The following ADAMTS5 variants were observed in gnomAD, a reference collection of about 807,000 sequenced individuals.
ADAMTS5 encodes the protein ADAM metallopeptidase with thrombospondin type 1 motif 5.
ADAMTS5 carries 54 observed loss-of-function variants against 81.4 expected under a neutral mutation model. That is an observed-to-expected ratio of 0.66 (90% confidence interval 0.53 to 0.83). The LOEUF (loss-of-function observed/expected upper bound fraction) is 0.83, where lower values mean the gene tolerates loss of function less well. Among genes scored for constraint, ADAMTS5 ranks in the 40% least tolerant of loss-of-function variants. The pLI, the probability that ADAMTS5 is intolerant of heterozygous loss-of-function variation, is 0.00. For synonymous variants in ADAMTS5, 532 were observed against 508.8 expected (o/e 1.05, Z -0.61); for missense variants, 1,194 against 1,229.9 (o/e 0.97, Z 0.44).
At position 26,966,237 on chromosome 21, in the gene ADAMTS5, T is replaced by C. The variant is rs535056146; in HGVS notation, c.155A>G (p.Gln52Arg). 6.2e-6 allele frequency: 10 copies of C among 1,602,224 alleles called. No individual in the cohort carries two copies. In the East Asian group the frequency reaches 2.0e-4, roughly 32 times the overall value. The change falls in exon 1 of 8, where the codon CAG (glutamine) becomes CGG (arginine). Residue 52 changes from glutamine (Q) to arginine (R), a missense_variant. By Grantham distance (43) the Gln-to-Arg change is conservative. This residue lies in a region of ADAMTS5 where 498 missense variants were observed against 412.3 expected (regional missense o/e 1.21). Transcript: ENST00000284987. ...QPRRRQGEEVQERAEPPGHPH... is the reference protein window; with the variant it reads ...QPRRRQGEEVRERAEPPGHPH... ...GTGGCCGGGAGGCTCGGCTCGCTCC[T>C]GCACCTCCTCCCCCTGCCGCCGGCG...
At chr21:26,929,081 T>C (rs1315288264) in intron 7 of ADAMTS5, among the ~76,000 whole-genome samples, 2 of 152,240 alleles carry the variant, frequency 1.3e-5, no homozygotes, top group African/African-American at 4.8e-5. Context: ...AGAAAATTTA[T>C]AGTTTTTTAC....
intron 3 of ADAMTS5, among the ~76,000 whole-genome samples, chr21:26,937,543 T>C (rs940629646): frequency 2.6e-5 from 4 of 152,216 alleles, no homozygotes; most frequent in African/African-American, 9.6e-5. Context: ...GGTACAAGCA[T>C]CTCTACCAAA....
intron 3 of ADAMTS5, among the ~76,000 whole-genome samples, chr21:26,937,964 G>GT (rs2123180083): frequency 6.6e-6 from 1 of 152,288 alleles, no homozygotes; most frequent in South Asian, 2.1e-4. Context: ...GTCAGGCCAG[G>GT]TGCGGTGGCT....
chr21:26,938,478 T>C (rs1987056322), intron 3 of ADAMTS5, among the ~76,000 whole-genome samples: 1 of 152,226 alleles, frequency 6.6e-6, no homozygotes, highest in Admixed American at 6.5e-5. Flanking sequence ...TTCATATGTC[T>C]GACTTATAGC....
Position 26,932,152 on chromosome 21 carries a change from T to C in ADAMTS5, c.1901A>G (p.Glu634Gly), listed in dbSNP as rs1465771718. ...ATCAGACTGATAGCCATTTTTGGCC[T>C]CACACTGTTCATGACGAAATGATTT... ...NGKSFRHEQC[E>G]AKNGYQSDAK... The change falls in exon 6 of 8, where the codon GAG becomes GGG. Residue 634 changes from glutamate (E) to glycine (G), a missense_variant. By Grantham distance (98) the Glu-to-Gly change is moderately conservative (BLOSUM62 -2). This residue lies in a region of ADAMTS5 where 696 missense variants were observed against 817.6 expected (regional missense o/e 0.85). Transcript: ENST00000284987. 1.2e-6 allele frequency: 2 copies of C among 1,614,012 alleles called. No homozygotes were observed. The highest frequency in any genetic ancestry group is 2.2e-5 in the East Asian group (1 of 44,890).
intron 4 of ADAMTS5, among the ~76,000 whole-genome samples, chr21:26,934,222 T>G (rs1383545474): frequency 6.6e-6 from 1 of 152,222 alleles, no homozygotes; most frequent in Non-Finnish European, 1.5e-5. Flanking sequence ...GAATCTGAGT[T>G]ACATAAGTAT....
rs1220323444 is a variant in ADAMTS5 at position 26,930,048 on chromosome 21, G to A, written c.2063C>T (p.Thr688Ile). 3.7e-6 allele frequency: 6 copies of A among 1,613,862 alleles called. No individual in the cohort carries two copies. The South Asian group carries it at 6.6e-5, about 18-fold the overall frequency. Residue 688 changes from threonine to isoleucine, a missense_variant, in exon 7 of 8, where the codon ACT (threonine) becomes ATT (isoleucine). Thr to Ile is a moderately conservative substitution (Grantham distance 89, BLOSUM62 -1). This residue lies in a region of ADAMTS5 where 696 missense variants were observed against 817.6 expected (regional missense o/e 0.85). Coordinates refer to ENST00000284987, the MANE Select transcript of ADAMTS5 (RefSeq NM_007038.5). ...VVFSPKVTDG[T>I]ECRLYSNSVC... ...GGAATTACTGTACAGCCTACATTCA[G>A]TGCCATCGGTCACCTGAATCATGGC...
chr21:26,932,715 A>AAACC, intron 5 of ADAMTS5, 146 bp downstream of exon 5: 1 of 937,138 alleles, frequency 1.1e-6, no homozygotes, highest in Non-Finnish European at 1.5e-6. Context: ...AAAAACAAAC[A>AAACC]CATAGGTGTT....
In ADAMTS5 at chr21:26,924,512, T is replaced by C. The variant is rs768835197; in HGVS notation, c.2334A>G (p.Lys778=). 16 of 1,614,060 alleles carry C rather than the reference T, an allele frequency of 9.9e-6. No individual in the cohort carries two copies. Among genetic ancestry groups the C allele is most frequent in the Middle Eastern group, 1.6e-4 (1 of 6,084 alleles). ...QTRFTAYLAL[K]KKNGEYLING... is the part of the protein sequence containing the mutation. ...TGATAAGGTACTCACCGTTTTTCTT[T>C]TTCAGGGCTAAATAGGCAGTGAATC... Residue 778 remains lysine (K), a synonymous_variant, in exon 8 of 8, where the codon AAA becomes AAG. Coordinates refer to ENST00000284987, the MANE Select transcript of ADAMTS5 (RefSeq NM_007038.5).
chr21:26,925,104 T>C (rs1404157325), intron 7 of ADAMTS5, among the ~76,000 whole-genome samples: 1 of 152,200 alleles, frequency 6.6e-6, no homozygotes, highest in Non-Finnish European at 1.5e-5. Flanking sequence ...TTTCAGAGCC[T>C]ACCCACACCT....
At chr21:26,929,327 A>C (rs1986863329) in intron 7 of ADAMTS5, among the ~76,000 whole-genome samples, 1 of 152,174 alleles carries the variant, frequency 6.6e-6, no homozygotes, top group Non-Finnish European at 1.5e-5. Flanking sequence ...CATAAACTTG[A>C]ATATTTAAAG....
In ADAMTS5 at chr21:26,966,571, G is replaced by C. The variant is rs1482254230; in HGVS notation, c.-180C>G. On this transcript the variant is annotated 5_prime_UTR_variant, in exon 1 of 8. Coordinates refer to ENST00000284987, the MANE Select transcript of ADAMTS5 (RefSeq NM_007038.5). ...AGCCTGTCCGGGCTGCGGTGCCAGC[G>C]TGCGAACTTTTCTTTGTTGCTTGGG... is the stretch of plus-strand genomic sequence containing the variant. 1 of 354,286 alleles carries C rather than the reference G, an allele frequency of 2.8e-6. No homozygotes were observed. Among genetic ancestry groups the C allele is most frequent in the Non-Finnish European group, 4.6e-6 (1 of 218,980 alleles). 21.9% of individuals were successfully genotyped at this position (354,286 alleles called of 1,614,324 possible).
rs2123224158 is a variant in ADAMTS5 at position 26,918,603 on chromosome 21, T to C, written c.*5450A>G. 1 of 152,126 alleles carries C rather than the reference T, an allele frequency of 6.6e-6. No homozygotes were observed. Among genetic ancestry groups the C allele is most frequent in the South Asian group, 2.1e-4 (1 of 4,828 alleles). 9.4% of individuals were successfully genotyped at this position (152,126 alleles called of 1,614,324 possible). A position where few individuals can be genotyped will look rare whatever the true frequency, so the allele number is the denominator to read the frequency against. ...TCAAGGTTTACGTTGTGCCTGAGTGTATAATGCAAAAATAGCATCCAGAGA... is the reference window on the plus strand; with the variant it reads ...TCAAGGTTTACGTTGTGCCTGAGTGCATAATGCAAAAATAGCATCCAGAGA... On this transcript the variant is annotated 3_prime_UTR_variant, in exon 8 of 8. Coordinates refer to ENST00000284987, the MANE Select transcript of ADAMTS5 (RefSeq NM_007038.5).
Position 26,965,620 on chromosome 21 carries a change from G to T in ADAMTS5, c.772C>A (p.Arg258=). Residue 258 remains arginine, a synonymous_variant, in exon 1 of 8, where the codon CGG becomes AGG. Coordinates refer to ENST00000284987, the MANE Select transcript of ADAMTS5 (RefSeq NM_007038.5). ...GGSGPQTWWR[R]RRRSISRARQ... is the part of the protein sequence containing the mutation. Reference sequence around the variant, plus strand: ...GCCCGGGAGATGGAGCGGCGCCGCCGCCGCCACCACGTCTGCGGTCCTGAG... The same window carrying T: ...GCCCGGGAGATGGAGCGGCGCCGCCTCCGCCACCACGTCTGCGGTCCTGAG... The T allele has an allele frequency of 1.3e-6, 2 of 1,597,048 alleles. No individual in the cohort carries two copies. Among genetic ancestry groups the T allele is most frequent in the Non-Finnish European group, 8.5e-7 (1 of 1,173,354 alleles).
chr21:26,923,954 A>G lies in ADAMTS5; in HGVS notation c.*99T>C. ...GGACTCCTGTTGACAATGTCACTGA[A>G]GCATGACTTTCTGTGCGTTAGGTAG... On this transcript the variant is annotated 3_prime_UTR_variant, in exon 8 of 8. Transcript: ENST00000284987. 1 of 1,266,386 alleles carries G rather than the reference A, an allele frequency of 7.9e-7. No individual in the cohort carries two copies. Among genetic ancestry groups the G allele is most frequent in the South Asian group, 1.5e-5 (1 of 65,320 alleles). 78.4% of individuals were successfully genotyped at this position (1,266,386 alleles called of 1,614,324 possible). A position where few individuals can be genotyped will look rare whatever the true frequency, so the allele number is the denominator to read the frequency against.
chr21:26,944,032 T>C lies in ADAMTS5; in HGVS notation c.1238-485A>G, dbSNP rs80121556. Among the ~76,000 whole-genome samples, 244 of 152,304 alleles carry C rather than the reference T, an allele frequency of 1.6e-3. 4 individuals are homozygous for C. In the East Asian group the frequency reaches 0.038, roughly 24 times the overall value. Reference sequence around the variant, plus strand: ...AAACACTTAGTAGATGGTTTTTGAATGTCAGTGACTTATTTTCTTAGTCAA... The same window carrying C: ...AAACACTTAGTAGATGGTTTTTGAACGTCAGTGACTTATTTTCTTAGTCAA... On this transcript the variant is annotated intron_variant, in intron 2 of 7. Transcript: ENST00000284987.
chr21:26,965,382 G>A lies in ADAMTS5; in HGVS notation c.1010C>T (p.Thr337Ile), dbSNP rs771370838. ...CTGCCACTTGCAAAAGTTCTTGAGT[G>A]TGGTGGCAGCGTTCTTGCTCACTTC... Reference protein sequence around the residue: ...SLEVSKNAATTLKNFCKWQHQ... With the variant: ...SLEVSKNAATILKNFCKWQHQ... Residue 337 changes from threonine to isoleucine, a missense_variant, in exon 1 of 8, where the codon ACA (threonine) becomes ATA (isoleucine). Around this residue, in one of 2 missense-constraint regions of ADAMTS5, gnomAD observed 696 missense variants for 817.6 expected, o/e 0.85. Transcript: ENST00000284987. 9 of 1,614,256 alleles carry A rather than the reference G, an allele frequency of 5.6e-6. No homozygotes were observed. The highest frequency in any genetic ancestry group is 1.6e-4 in the Middle Eastern group (1 of 6,062).
intron 2 of ADAMTS5, among the ~76,000 whole-genome samples, chr21:26,948,286 T>G (rs1474166195): frequency 6.6e-6 from 1 of 152,154 alleles, no homozygotes; most frequent in African/African-American, 2.4e-5. Context: ...TTTCTAAACT[T>G]TGGTCTGCAA....
chr21:26,933,944 G>T (rs1200327554), intron 4 of ADAMTS5, among the ~76,000 whole-genome samples: 1 of 152,158 alleles, frequency 6.6e-6, no homozygotes, highest in East Asian at 1.9e-4. Flanking sequence ...CTGACCTGAA[G>T]CTGGACTGTG....
Sources: allele counts gnomAD v4.1 joint callset (sites outside exome capture counted in the v4.1 genomes callset), GRCh38; gene constraint gnomAD v4.1.1; regional missense constraint gnomAD v4.1.1; transcripts MANE v1.5; gene names NCBI Gene and HGNC (gene_info 2026-07-23, HGNC 2026-07-21).